SUPT20H: variants seen among roughly 807,000 people sequenced by gnomAD.
SUPT20H encodes SPT20 homolog, SAGA complex component.
A neutral mutation model predicts 122.8 loss-of-function variants in SUPT20H; 82 were observed. The observed-to-expected ratio is 0.67, with a 90% CI of 0.56 to 0.80. The LOEUF is 0.80. SUPT20H is among the 30% of genes least tolerant of loss of function. The pLI is 0.00. For missense variants in SUPT20H, 831 were observed against 921.6 expected (o/e 0.90, Z 1.27); for synonymous variants, 291 against 313.0 (o/e 0.93, Z 0.74).
intron 12 of SUPT20H, 37 bp downstream of exon 12, chr13:37,031,530 C>G (rs2063331548): frequency 2.1e-6 from 3 of 1,405,166 alleles, no homozygotes; most frequent in Non-Finnish European, 2.8e-6. Context: ...AACTGAGAAA[C>G]TTTATATGAA....
At position 37,009,381 on chromosome 13, in the gene SUPT20H, T is replaced by A. The variant is rs990684783; in HGVS notation, c.*291A>T. On this transcript the variant is annotated 3_prime_UTR_variant, in exon 26 of 26. Transcript: ENST00000350612. Reference sequence around the variant, plus strand: ...ACAAACGTTTTATACTAAATAAATATCAAACTACATTCTTCTGAAAGATGT... The same window carrying A: ...ACAAACGTTTTATACTAAATAAATAACAAACTACATTCTTCTGAAAGATGT... The A allele has an allele frequency of 6.3e-6, 5 of 791,398 alleles. No homozygotes were observed. Among genetic ancestry groups the A allele is most frequent in the South Asian group, 3.4e-5 (2 of 59,566 alleles). 49.0% of individuals were successfully genotyped at this position (791,398 alleles called of 1,614,324 possible).
chr13:37,037,480 A>C (rs550722325), intron 9 of SUPT20H, among the ~76,000 whole-genome samples: 1 of 152,338 alleles, frequency 6.6e-6, no homozygotes, highest in South Asian at 2.1e-4. Context: ...TTTGTAGAGC[A>C]CGGAATGGTC....
chr13:37,047,895 T>C lies in SUPT20H; in HGVS notation c.81A>G (p.Lys27=), dbSNP rs762636743. Reference sequence around the variant, plus strand: ...ATTCATACCTTCCACTTGATAGGTATTTCCTTTTAGGAGGTCTCTGTCGGG... The same window carrying C: ...ATTCATACCTTCCACTTGATAGGTACTTCCTTTTAGGAGGTCTCTGTCGGG... ...ESARQRPPKR[K]YLSSGRKSVF... The change falls in exon 4 of 26, where the codon AAA becomes AAG. Residue 27 remains lysine, a synonymous_variant. Coordinates refer to ENST00000350612, the MANE Select transcript of SUPT20H (RefSeq NM_001014286.3). The C allele has an allele frequency of 3.1e-6, 5 of 1,606,226 alleles. No individual in the cohort carries two copies. Among genetic ancestry groups the C allele is most frequent in the Middle Eastern group, 1.7e-4 (1 of 6,026 alleles).
At chr13:37,025,125 A>G (rs1451499193) in intron 17 of SUPT20H, 195 bp downstream of exon 17, 8 of 470,072 alleles carry the variant, frequency 1.7e-5, no homozygotes, top group Non-Finnish European at 3.2e-5. Context: ...TGTTTTTAGT[A>G]GAGATGGGGT....
Position 37,019,424 on chromosome 13 carries a change from C to T in SUPT20H, c.1817-27G>A, listed in dbSNP as rs748680717. 3 of 1,535,038 alleles carry T rather than the reference C, an allele frequency of 2.0e-6. No individual in the cohort carries two copies. The South Asian group carries it at 3.7e-5, about 19-fold the overall frequency. The stretch of plus-strand genomic sequence containing the variant: ...TGTTAAATAAAACTCATGGTTATAA[C>T]AGAATTGAAAGTTTATTACACATGA... On this transcript the variant is annotated intron_variant, in intron 21 of 25. Coordinates refer to ENST00000350612, the MANE Select transcript of SUPT20H (RefSeq NM_001014286.3).
intron 24 of SUPT20H, 76 bp downstream of exon 24, chr13:37,012,111 GAAAAT>G: frequency 8.8e-7 from 1 of 1,132,882 alleles, no homozygotes; most frequent in African/African-American, 1.5e-5. Flanking sequence ...GGAAGGAAAA[GAAAAT>G]AATTTAAGCG....
chr13:37,031,849 G>T lies in SUPT20H; in HGVS notation c.754C>A (p.Leu252Ile). Residue 252 changes from leucine (L) to isoleucine (I), a missense_variant, in exon 11 of 26, where the codon CTA (leucine) becomes ATA (isoleucine). Physicochemically the swap from Leu to Ile is conservative, Grantham distance 5. Transcript: ENST00000350612. Reference protein sequence around the residue: ...SRSSLNRQQDLSHCPPPPQLR... With the variant: ...SRSSLNRQQDISHCPPPPQLR... ...TGAGGAGGAGGTGGACAATGAGATA[G>T]ATCTTGCTGCCGATTCAGAGAGGAT... The T allele has an allele frequency of 1.2e-6, 2 of 1,604,860 alleles. No homozygotes were observed. Among genetic ancestry groups the T allele is most frequent in the Non-Finnish European group, 8.5e-7 (1 of 1,177,326 alleles).
chr13:37,048,695 T>A (rs2066994379), intron 2 of SUPT20H, 96 bp from the exon 3 acceptor site: 2 of 1,107,090 alleles, frequency 1.8e-6, no homozygotes, highest in South Asian at 1.6e-5. Flanking sequence ...AAAACAGGTC[T>A]AATATATTTT....
chr13:37,027,999 T>C (rs939982430), intron 14 of SUPT20H, 149 bp downstream of exon 14: 1 of 642,524 alleles, frequency 1.6e-6, no homozygotes, highest in African/African-American at 1.9e-5. Context: ...TTTACTTAGG[T>C]CTACCGCCAA....
At chr13:37,030,196 T>G (rs2063049662) in intron 12 of SUPT20H, among the ~76,000 whole-genome samples, 1 of 152,198 alleles carries the variant, frequency 6.6e-6, no homozygotes, top group South Asian at 2.1e-4. Context: ...TCTTTTCCTT[T>G]TGGCAGGCTT....
intron 23 of SUPT20H, among the ~76,000 whole-genome samples, chr13:37,016,577 G>T (rs916165788): frequency 3.3e-5 from 5 of 152,272 alleles, no homozygotes; most frequent in Non-Finnish European, 5.9e-5. Context: ...TGCCCTTCCT[G>T]AGGACTCTAT....
At chr13:37,048,850 T>C (rs774659372) in intron 2 of SUPT20H, among the ~76,000 whole-genome samples, 12 of 152,066 alleles carry the variant, frequency 7.9e-5, no homozygotes, top group Non-Finnish European at 1.8e-4. Flanking sequence ...GAGGCTAATA[T>C]AGGGGAGGTT....
intron 12 of SUPT20H, among the ~76,000 whole-genome samples, chr13:37,030,314 G>A (rs2063071714): frequency 6.6e-6 from 1 of 152,152 alleles, no homozygotes; most frequent in Non-Finnish European, 1.5e-5. Flanking sequence ...CCACTTTCTA[G>A]TCAGACTTGA....
At chr13:37,057,973 C>CAAAA (rs34624589) in intron 1 of SUPT20H, among the ~76,000 whole-genome samples, 1 of 97,998 alleles carries the variant, frequency 1.0e-5, no homozygotes, top group African/African-American at 4.3e-5. Flanking sequence ...GACTCCGTCT[C>CAAAA]AAAAAAAAAA....
chr13:37,021,100 G>A (rs1341393368), intron 21 of SUPT20H, among the ~76,000 whole-genome samples: 1 of 152,176 alleles, frequency 6.6e-6, no homozygotes, highest in African/African-American at 2.4e-5. Flanking sequence ...TCTTAACTGC[G>A]ATGCAGTTGC....
chr13:37,012,178 A>G lies in SUPT20H; in HGVS notation c.2098+14T>C. On this transcript the variant is annotated intron_variant, in intron 24 of 25. Transcript: ENST00000350612. ...TTTAGTAAATTCAGCATATAAAGTTATGAAGATACCTACCAGCTGCCTGTG... is the reference window on the plus strand; with the variant it reads ...TTTAGTAAATTCAGCATATAAAGTTGTGAAGATACCTACCAGCTGCCTGTG... The G allele has an allele frequency of 6.3e-7, 1 of 1,591,468 alleles. No individual in the cohort carries two copies.
At chr13:37,040,720 AT>A (rs201128156) in intron 7 of SUPT20H, 28 bp from the exon 8 acceptor site, 118 of 1,555,920 alleles carry the variant, frequency 7.6e-5, no homozygotes, top group Admixed American at 8.7e-5. Context: ...CGTAAACGTC[AT>A]TTTTTTTTCC....
intron 13 of SUPT20H, among the ~76,000 whole-genome samples, chr13:37,029,493 C>T (rs1357543594): frequency 6.6e-6 from 1 of 151,752 alleles, no homozygotes; most frequent in Admixed American, 6.6e-5. Context: ...GATCCCACCT[C>T]CAGCCTGGGC....
At chr13:37,032,439 C>T (rs1183061308) in intron 10 of SUPT20H, among the ~76,000 whole-genome samples, 1 of 152,130 alleles carries the variant, frequency 6.6e-6, no homozygotes, top group East Asian at 1.9e-4. Context: ...TTCTTAGATC[C>T]ATCAAAGAGA....
Sources: allele counts gnomAD v4.1 joint callset (sites outside exome capture counted in the v4.1 genomes callset), GRCh38; gene constraint gnomAD v4.1.1; transcripts MANE v1.5; gene names NCBI Gene and HGNC (gene_info 2026-07-23, HGNC 2026-07-21).